Variants in NCKAP5L observed in about 807,000 individuals in gnomAD.
The protein encoded by NCKAP5L is nck-associated protein 5-like.
NCKAP5L carries 54 observed loss-of-function variants against 103.2 expected under a neutral mutation model. That is an observed-to-expected ratio of 0.52 (90% confidence interval 0.42 to 0.66). The LOEUF is 0.66. Ranked by LOEUF, NCKAP5L falls within the 30% of genes least tolerant of loss-of-function variation. The probability of loss-of-function intolerance (pLI) is 0.00; values close to 1 mark genes in which losing one functional copy is unlikely to be tolerated. For synonymous variants in NCKAP5L, 762 were observed against 748.6 expected (o/e 1.02, Z -0.29); for missense variants, 1,733 against 1,750.6 (o/e 0.99, Z 0.18).
In NCKAP5L at chr12:49,795,322, C is replaced by T. The variant is rs975770994; in HGVS notation, c.2538G>A (p.Lys846=). ...TACCACAGTCTGCCCAGGGAGGGCC[C>T]TTCCCTTTGTCAGGCTTGGGGGACT... ...TKESPKPDKG[K]GPPWADCGST... The change falls in exon 8 of 13, where the codon AAG becomes AAA. Residue 846 remains lysine, a synonymous_variant. Coordinates refer to ENST00000335999, the MANE Select transcript of NCKAP5L (RefSeq NM_001037806.4). The T allele has an allele frequency of 1.3e-6, 2 of 1,530,604 alleles. No individual in the cohort carries two copies. Among genetic ancestry groups the T allele is most frequent in the African/African-American group, 1.4e-5 (1 of 71,964 alleles). The allele number at this position is 1,530,604 out of a possible 1,614,324, so 94.8% of individuals were successfully genotyped here. A position where few individuals can be genotyped will look rare whatever the true frequency, so the allele number is the denominator to read the frequency against.
chr12:49,811,133 C>T lies in NCKAP5L; in HGVS notation c.-98-5092G>A, dbSNP rs1351946373. On this transcript the variant is annotated intron_variant, in intron 1 of 12. Coordinates refer to ENST00000335999, the MANE Select transcript of NCKAP5L (RefSeq NM_001037806.4). ...AAGTTCCCTGGGATTCCTCAACTTGCGTATTCTAGGACAATGCTTCTTTCC... is the reference window on the plus strand; with the variant it reads ...AAGTTCCCTGGGATTCCTCAACTTGTGTATTCTAGGACAATGCTTCTTTCC... 6.6e-5 allele frequency among the ~76,000 whole-genome samples: 10 copies of T among 152,178 alleles called. No homozygotes were observed. The East Asian group carries it at 1.7e-3, about 26-fold the overall frequency.
chr12:49,817,300 T>C (rs1035586108), intron 1 of NCKAP5L, among the ~76,000 whole-genome samples: 8 of 151,870 alleles, frequency 5.3e-5, no homozygotes, highest in African/African-American at 1.7e-4. Flanking sequence ...GGAAAAAAAA[T>C]CCTAAAACTC....
In NCKAP5L at chr12:49,797,242, G is replaced by A. The variant is rs1156699356; in HGVS notation, c.618C>T (p.Cys206=). The change falls in exon 8 of 13, where the codon TGC becomes TGT. Residue 206 remains cysteine (C), a synonymous_variant. Transcript: ENST00000335999. This position sits in a 1 kb window ranked among gnomAD's most constrained non-coding sequence, Gnocchi z 4.5. ...ALEETDPLLL[C]SPATPWRPPG... ...GAGGCCGCCAGGGGGTGGCAGGTGA[G>A]CAGAGAAGCAAGGGGTCAGTCTCTT... The A allele has an allele frequency of 1.2e-6, 2 of 1,613,524 alleles. No homozygotes were observed. The highest frequency in any genetic ancestry group is 8.5e-7 in the Non-Finnish European group (1 of 1,179,812).
In NCKAP5L at chr12:49,802,974, G is replaced by A. The variant is rs768831018; in HGVS notation, c.215C>T (p.Ala72Val). The A allele has an allele frequency of 3.1e-6, 5 of 1,614,194 alleles. No homozygotes were observed. The highest frequency in any genetic ancestry group is 3.3e-5 in the Admixed American group (2 of 60,014). The change falls in exon 5 of 13, where the codon GCG becomes GTG. Residue 72 changes from alanine (A) to valine (V), a missense_variant. Transcript: ENST00000335999. Reference sequence around the variant, plus strand: ...GTTACTCACCTTCTGGTTCAGCAACGCCTGTACCACATGGTTGGCAACCTG... The same window carrying A: ...GTTACTCACCTTCTGGTTCAGCAACACCTGTACCACATGGTTGGCAACCTG... Reference protein sequence around the residue: ...LDEVANHVVQALLNQKDLREE... With the variant: ...LDEVANHVVQVLLNQKDLREE...
intron 1 of NCKAP5L, among the ~76,000 whole-genome samples, chr12:49,812,387 C>CTTT (rs542046179): frequency 7.0e-6 from 1 of 142,910 alleles, no homozygotes; most frequent in African/African-American, 2.6e-5. Context: ...TGGTTTTCAT[C>CTTT]TTTTTTTTTT....
intron 1 of NCKAP5L, among the ~76,000 whole-genome samples, chr12:49,816,153 A>T (rs1565595393): frequency 6.6e-6 from 1 of 151,686 alleles, no homozygotes; most frequent in Admixed American, 6.6e-5. Context: ...AGAGGAGGGG[A>T]CTCCCTATAC....
In NCKAP5L at chr12:49,799,711, G is replaced by A. The variant is rs150109827; in HGVS notation, c.352-1248C>T. 1.9e-3 allele frequency among the ~76,000 whole-genome samples: 284 copies of A among 152,256 alleles called. 1 individual carries two copies. Among genetic ancestry groups the A allele is most frequent in the East Asian group, 0.018 (93 of 5,178 alleles). ...GTGTGAACTCCTCTGCAGGCATTCC[G>A]GGCCTGGCTGGCCAGCTCTTCCCAT... On this transcript the variant is annotated intron_variant, in intron 6 of 12. Coordinates refer to ENST00000335999, the MANE Select transcript of NCKAP5L (RefSeq NM_001037806.4).
intron 1 of NCKAP5L, 68 bp downstream of exon 1, chr12:49,828,254 G>A (rs1946445161): frequency 6.6e-6 from 1 of 152,206 alleles, no homozygotes; most frequent in Admixed American, 6.5e-5. Flanking sequence ...CACTCCCCCC[G>A]GCCCGGAGCT....
At position 49,794,831 on chromosome 12, in the gene NCKAP5L, T is replaced by C; in HGVS notation, c.3029A>G (p.Gln1010Arg). Residue 1010 changes from glutamine (Q) to arginine (R), a missense_variant, in exon 8 of 13, where the codon CAG becomes CGG. Coordinates refer to ENST00000335999, the MANE Select transcript of NCKAP5L (RefSeq NM_001037806.4). ...CATGCCAGCCAGCTGGCCCTGCACC[T>C]GCCCCAGCCCCGTGTTGGGCCCTGG... ...PAPGPNTGLG[Q>R]VQGQLAGMYQ... The C allele has an allele frequency of 6.5e-7, 1 of 1,542,374 alleles. No homozygotes were observed. Among genetic ancestry groups the C allele is most frequent in the South Asian group, 1.2e-5 (1 of 81,766 alleles).
intron 10 of NCKAP5L, 108 bp from the exon 11 acceptor site, chr12:49,793,094 C>T: frequency 1.0e-6 from 1 of 975,844 alleles, no homozygotes; most frequent in East Asian, 2.6e-5. Flanking sequence ...AGGGCCCCTC[C>T]TGGCCCAACA....
At chr12:49,805,143 C>T (rs980101113) in intron 2 of NCKAP5L, 1 of 152,508 alleles carries the variant, frequency 6.6e-6, no homozygotes, top group African/African-American at 2.4e-5. Context: ...CCTATTCATC[C>T]TTCAGGGCTC....
chr12:49,797,874 C>A lies in NCKAP5L; in HGVS notation c.465+476G>T, dbSNP rs1946075973. On this transcript the variant is annotated intron_variant, in intron 7 of 12. Transcript: ENST00000335999. The surrounding 1 kb of genome is among the most constrained non-coding windows in gnomAD (Gnocchi z 4.5). ...ACAGCTGACCCCGCTGACCTCATCC[C>A]CAGCAGAAAGGGGTTGGGGGTGACG... Among the ~76,000 whole-genome samples, 3 of 152,186 alleles carry A rather than the reference C, an allele frequency of 2.0e-5. No homozygotes were observed. Among genetic ancestry groups the A allele is most frequent in the South Asian group, 4.1e-4 (2 of 4,830 alleles).
In NCKAP5L at chr12:49,792,842, C is replaced by T. The variant is rs1456158314; in HGVS notation, c.3485G>A (p.Arg1162Gln). 2.9e-5 allele frequency: 45 copies of T among 1,549,316 alleles called. No homozygotes were observed. The highest frequency in any genetic ancestry group is 3.4e-5 in the Non-Finnish European group (39 of 1,152,310). The change falls in exon 11 of 13, where the codon CGG (arginine) becomes CAG (glutamine). Residue 1162 changes from arginine to glutamine, a missense_variant. By Grantham distance (43) the Arg-to-Gln change is conservative. Coordinates refer to ENST00000335999, the MANE Select transcript of NCKAP5L (RefSeq NM_001037806.4). The surrounding 1 kb of genome is among the most constrained non-coding windows in gnomAD (Gnocchi z 4.5). Reference protein sequence around the residue: ...LDPPPGVPPARPPPLTKVPRR... With the variant: ...LDPPPGVPPAQPPPLTKVPRR... ...GGGGACTTTGGTAAGGGGTGGGGGC[C>T]GAGCTGGGGGTACCCCAGGTGGGGG...
In NCKAP5L at chr12:49,792,340, TGA is replaced by T; in HGVS notation, c.3792+104_3792+105del. ...GTCCTCCTCCCAGAGGGTGCAGCAC[TGA>T]GACTGTGCGACACACAGGCCGTACC... is the stretch of plus-strand genomic sequence containing the variant. On this transcript the variant is annotated intron_variant, in intron 12 of 12. Coordinates refer to ENST00000335999, the MANE Select transcript of NCKAP5L (RefSeq NM_001037806.4). This position sits in a 1 kb window ranked among gnomAD's most constrained non-coding sequence, Gnocchi z 4.5. 1 of 1,549,902 alleles carries T rather than the reference TGA, an allele frequency of 6.5e-7. No homozygotes were observed. The highest frequency in any genetic ancestry group is 8.7e-7 in the Non-Finnish European group (1 of 1,147,528).
chr12:49,811,469 T>A (rs1239350172), intron 1 of NCKAP5L, among the ~76,000 whole-genome samples: 2 of 148,784 alleles, frequency 1.3e-5, no homozygotes, highest in Non-Finnish European at 3.0e-5. Flanking sequence ...CACCTCCTCA[T>A]CCACTATTAC....
Position 49,798,384 on chromosome 12 carries a change from G to A in NCKAP5L, c.431C>T (p.Pro144Leu), listed in dbSNP as rs766669612. The change falls in exon 7 of 13, where the codon CCG (proline) becomes CTG (leucine). Residue 144 changes from proline (P) to leucine (L), a missense_variant. Transcript: ENST00000335999. ...CCCAGCACAGTGCCCCAGAGGCAGC[G>A]GGGCAGCCGGTCCCTCAGTGGAGCT... ...SLSSTEGPAA[P>L]LPLGHCAGQR... is the part of the protein sequence containing the mutation. The A allele has an allele frequency of 7.6e-6, 12 of 1,569,306 alleles. No homozygotes were observed. The highest frequency in any genetic ancestry group is 1.7e-4 in the Middle Eastern group (1 of 6,008).
At chr12:49,823,706 G>T (rs565857863) in intron 1 of NCKAP5L, among the ~76,000 whole-genome samples, 1 of 151,872 alleles carries the variant, frequency 6.6e-6, no homozygotes, top group Non-Finnish European at 1.5e-5. Context: ...CCAGCATAAG[G>T]TTCACAGTGC....
At chr12:49,801,488 C>A (rs1321312399) in intron 6 of NCKAP5L, among the ~76,000 whole-genome samples, 1 of 152,214 alleles carries the variant, frequency 6.6e-6, no homozygotes, top group Non-Finnish European at 1.5e-5. Context: ...ATACCCTAGG[C>A]TGCCTAACAC....
Position 49,797,414 on chromosome 12 carries a change from C to A in NCKAP5L, c.466-20G>T. On this transcript the variant is annotated intron_variant, in intron 7 of 12. Transcript: ENST00000335999. The surrounding 1 kb of genome is among the most constrained non-coding windows in gnomAD (Gnocchi z 4.5). ...ACATACCTTAGGGGAGAGATGATGG[C>A]ATGAGGAGGAGACCACACACAGCTG... 1 of 1,550,410 alleles carries A rather than the reference C, an allele frequency of 6.4e-7. No individual in the cohort carries two copies. The highest frequency in any genetic ancestry group is 8.8e-7 in the Non-Finnish European group (1 of 1,139,260).
Sources: gnomAD v4.1 joint callset for allele counts (sites outside exome capture counted in the v4.1 genomes callset) on GRCh38, gnomAD v4.1.1 for gene constraint, Gnocchi (gnomAD v3.1) non-coding constraint, MANE v1.5 for transcripts, NCBI Gene and HGNC (gene_info 2026-07-23, HGNC 2026-07-21) for gene names.